LRRC4C: variants seen among roughly 807,000 people sequenced by gnomAD.
LRRC4C encodes the protein leucine rich repeat containing 4C.
A neutral mutation model predicts 33.6 loss-of-function variants in LRRC4C; 5 were observed. That is an observed-to-expected ratio of 0.15 (90% CI 0.08 to 0.31). The LOEUF is 0.31. Among genes scored for constraint, LRRC4C ranks in the 10% least tolerant of loss-of-function variants. The pLI, the probability that LRRC4C is intolerant of heterozygous loss-of-function variation, is 1.00. For synonymous variants in LRRC4C, 329 were observed against 302.0 expected, an observed-to-expected ratio of 1.09 and a Z score of -0.93; for missense variants, 560 against 796.7, an observed-to-expected ratio of 0.70 and a Z score of 3.58.
chr11:40,810,718 A>G (rs1183789573), intron 2 of LRRC4C, among the ~76,000 whole-genome samples: 10 of 152,086 alleles, frequency 6.6e-5, no homozygotes, highest in Admixed American at 2.0e-4. Context: ...TAATTCTTCT[A>G]TTACTATCAC....
Position 41,217,062 on chromosome 11 carries a change from A to AT in LRRC4C, c.-496+242368dup, listed in dbSNP as rs199841549. 7.7e-3 allele frequency among the ~76,000 whole-genome samples: 1,177 copies of AT among 152,174 alleles called. 17 individuals carry two copies. The highest frequency in any genetic ancestry group is 0.026 in the African/African-American group (1,088 of 41,516). Reference sequence around the variant, plus strand: ...CTTCATCTGATACTACAACATCCCTATTTTTCAGGCCAAATTTCTGAACAC... The same window carrying AT: ...CTTCATCTGATACTACAACATCCCTATTTTTTCAGGCCAAATTTCTGAACAC... On this transcript the variant is annotated intron_variant, in intron 1 of 6. Transcript: ENST00000528697.
intron 1 of LRRC4C, among the ~76,000 whole-genome samples, chr11:41,316,276 A>C (rs1444725105): frequency 6.7e-6 from 1 of 150,194 alleles, no homozygotes; most frequent in African/African-American, 2.4e-5. Context: ...AAAAAAAAAA[A>C]AAACAAAAAA....
chr11:40,150,993 C>G (rs2135112220), intron 5 of LRRC4C, among the ~76,000 whole-genome samples: 1 of 152,280 alleles, frequency 6.6e-6, no homozygotes, highest in Admixed American at 6.5e-5. Context: ...ATGTCATCTG[C>G]TTCTGAACTC....
intron 2 of LRRC4C, among the ~76,000 whole-genome samples, chr11:40,921,265 G>C (rs551123040): frequency 6.6e-6 from 1 of 152,024 alleles, no homozygotes; most frequent in African/African-American, 2.4e-5. Context: ...CAGAAAAGTG[G>C]GTCAGAGATT....
At chr11:40,265,226 G>A (rs886840600) in intron 4 of LRRC4C, among the ~76,000 whole-genome samples, 1 of 151,968 alleles carries the variant, frequency 6.6e-6, no homozygotes, top group African/African-American at 2.4e-5. Context: ...AGGCTCAGTG[G>A]GTCTGTCTTT....
intron 4 of LRRC4C, among the ~76,000 whole-genome samples, chr11:40,294,315 G>A (rs997556567): frequency 6.6e-6 from 1 of 152,090 alleles, no homozygotes; most frequent in Non-Finnish European, 1.5e-5. Context: ...CCCCCACGCT[G>A]GGAGGTTCAG....
At chr11:40,154,287 C>CAAAAAAAAAA (rs60017606) in intron 5 of LRRC4C, among the ~76,000 whole-genome samples, 2 of 114,204 alleles carry the variant, frequency 1.8e-5, no homozygotes, top group African/African-American at 6.4e-5. Flanking sequence ...AGCTAAAAAG[C>CAAAAAAAAAA]AAAAAAAAAA....
intron 2 of LRRC4C, among the ~76,000 whole-genome samples, chr11:40,689,091 A>C (rs900022935): frequency 3.3e-5 from 5 of 152,104 alleles, no homozygotes; most frequent in African/African-American, 1.2e-4. Flanking sequence ...AAGAAACGAC[A>C]GTGCTATGGA....
chr11:40,453,979 G>T (rs973004858), intron 3 of LRRC4C, among the ~76,000 whole-genome samples: 1 of 152,098 alleles, frequency 6.6e-6, no homozygotes, highest in Admixed American at 6.6e-5. Flanking sequence ...GTTAAAAATA[G>T]TATAGCTACA....
chr11:41,016,106 T>C (rs879291132), intron 1 of LRRC4C, among the ~76,000 whole-genome samples: 1 of 152,138 alleles, frequency 6.6e-6, no homozygotes, highest in South Asian at 2.1e-4. Flanking sequence ...TGGAAAATGA[T>C]TTGTATAAAT....
chr11:41,441,614 TAAA>T (rs5791441), intron 1 of LRRC4C, among the ~76,000 whole-genome samples: 3 of 139,944 alleles, frequency 2.1e-5, no homozygotes, highest in South Asian at 2.3e-4. Context: ...TTTTTCCAGT[TAAA>T]AAAAAAAAAA....
At chr11:41,390,487 C>T (rs936758550) in intron 1 of LRRC4C, among the ~76,000 whole-genome samples, 2 of 151,874 alleles carry the variant, frequency 1.3e-5, no homozygotes, top group Non-Finnish European at 2.9e-5. Context: ...GATCACTTTG[C>T]CCCAGCCACA....
chr11:41,121,748 A>T (rs1266186445), intron 1 of LRRC4C, among the ~76,000 whole-genome samples: 1 of 152,176 alleles, frequency 6.6e-6, no homozygotes, highest in Admixed American at 6.5e-5. Flanking sequence ...GCTAGAGGAT[A>T]AAATAAAAGG....
At chr11:40,412,174 T>A (rs1262629612) in intron 3 of LRRC4C, among the ~76,000 whole-genome samples, 2 of 152,084 alleles carry the variant, frequency 1.3e-5, no homozygotes, top group East Asian at 3.9e-4. Flanking sequence ...TACATATTTT[T>A]AAAAATAAGT....
chr11:41,288,109 G>A (rs981666631), intron 1 of LRRC4C, among the ~76,000 whole-genome samples: 8 of 152,122 alleles, frequency 5.3e-5, no homozygotes, highest in Non-Finnish European at 1.0e-4. Context: ...CACATTCCTT[G>A]TCTTCATGAA....
intron 3 of LRRC4C, among the ~76,000 whole-genome samples, chr11:40,390,848 A>C (rs2137446749): frequency 6.6e-6 from 1 of 152,020 alleles, no homozygotes; most frequent in South Asian, 2.1e-4. Flanking sequence ...GTATGGAAAT[A>C]ATCTCTTTTC....
chr11:40,773,122 T>A (rs145515725), intron 2 of LRRC4C, among the ~76,000 whole-genome samples: 2 of 152,106 alleles, frequency 1.3e-5, no homozygotes, highest in Admixed American at 1.3e-4. Flanking sequence ...ATTTGCATGC[T>A]CTAATTTGTG....
At position 40,996,292 on chromosome 11, in the gene LRRC4C, G is replaced by C. The variant is rs75031164; in HGVS notation, c.-495-62569C>G. Reference sequence around the variant, plus strand: ...ATGGACCCTAATTTTCTCTGCTCTTGTCCCAGGCATGGTCCTAGCCCAGCA... The same window carrying C: ...ATGGACCCTAATTTTCTCTGCTCTTCTCCCAGGCATGGTCCTAGCCCAGCA... On this transcript the variant is annotated intron_variant, in intron 1 of 6. Transcript: ENST00000528697. 1.2e-4 allele frequency among the ~76,000 whole-genome samples: 19 copies of C among 152,094 alleles called. No individual in the cohort carries two copies. The South Asian group carries it at 3.5e-3, about 28-fold the overall frequency.
chr11:41,372,982 A>AATCTAGAG (rs1372484437), intron 1 of LRRC4C, among the ~76,000 whole-genome samples: 1 of 152,166 alleles, frequency 6.6e-6, no homozygotes, highest in Non-Finnish European at 1.5e-5. Flanking sequence ...CTTATTTAAA[A>AATCTAGAG]ATCTAGAGAA....
Sources: gnomAD v4.1 joint callset for allele counts (sites outside exome capture counted in the v4.1 genomes callset) on GRCh38, gnomAD v4.1.1 for gene constraint, MANE v1.5 for transcripts, NCBI Gene and HGNC (gene_info 2026-07-23, HGNC 2026-07-21) for gene names.